The following PREX1 variants were observed in gnomAD, a reference collection of about 807,000 sequenced individuals.
PREX1 encodes phosphatidylinositol 3,4,5-trisphosphate-dependent Rac exchanger 1 protein.
Under a neutral mutation model 198.3 loss-of-function variants are expected in PREX1, and 41 were observed. The observed-to-expected ratio is 0.21, with a 90% CI of 0.16 to 0.27. PREX1 has a LOEUF of 0.27. PREX1 is among the 10% of genes least tolerant of loss of function. PREX1 has a pLI of 1.00. For missense variants in PREX1, 1,620 were observed against 2,200.7 expected (o/e 0.74, Z 5.28); for synonymous variants, 843 against 887.2 (o/e 0.95, Z 0.89).
intron 7 of PREX1, among the ~76,000 whole-genome samples, chr20:48,697,554 T>A (rs965528173): frequency 4.9e-4 from 75 of 152,040 alleles, no homozygotes; most frequent in Non-Finnish European, 9.9e-4. Context: ...CTAATTTTTT[T>A]ATATTTTTAG....
Position 48,700,868 on chromosome 20 carries a change from T to C in PREX1, c.802A>G (p.Ile268Val). 6.2e-7 allele frequency: 1 copy of C among 1,614,156 alleles called. No individual in the cohort carries two copies. The highest frequency in any genetic ancestry group is 8.5e-7 in the Non-Finnish European group (1 of 1,180,026). ...CCTTGCAGGAGGAGCTGAGTGCAGA[T>C]GTCTGTGAGGTTGGAACCCTGGAAG... ...EGWEGSNLTDICTQLLLQGTL... is the reference protein window; with the variant it reads ...EGWEGSNLTDVCTQLLLQGTL... Residue 268 changes from isoleucine to valine, a missense_variant, in exon 7 of 40, where the codon ATC (isoleucine) becomes GTC (valine). By Grantham distance (29) the Ile-to-Val change is conservative. Coordinates refer to ENST00000371941, the MANE Select transcript of PREX1 (RefSeq NM_020820.4).
intron 1 of PREX1, among the ~76,000 whole-genome samples, chr20:48,812,327 CATAA>C (rs2090439935): frequency 1.1e-5 from 1 of 88,734 alleles, no homozygotes; most frequent in African/African-American, 3.9e-5. Context: ...GGGTAAATAA[CATAA>C]GAGGAATGGG....
chr20:48,880,459 T>C, the PREX1 span, among the ~76,000 whole-genome samples: 16 of 152,348 alleles, frequency 1.1e-4, no homozygotes, highest in Middle Eastern at 3.4e-3. Flanking sequence ...TCTCTTTCTA[T>C]CATCCTGCCT....
intron 1 of PREX1, among the ~76,000 whole-genome samples, chr20:48,754,786 G>A (rs1359994685): frequency 6.6e-6 from 1 of 152,066 alleles, no homozygotes; most frequent in Non-Finnish European, 1.5e-5. Flanking sequence ...TGATCTGGGT[G>A]GCGGGGAGTC....
intron 1 of PREX1, among the ~76,000 whole-genome samples, chr20:48,779,932 G>A (rs1387593108): frequency 6.6e-6 from 1 of 152,128 alleles, no homozygotes; most frequent in Admixed American, 6.5e-5. Context: ...GACTGTAGTG[G>A]TAAGTATATA....
At chr20:48,660,409 G>A (rs1448413408) in intron 15 of PREX1, among the ~76,000 whole-genome samples, 1 of 152,210 alleles carries the variant, frequency 6.6e-6, no homozygotes, top group African/African-American at 2.4e-5. Context: ...GTGTTTGCAG[G>A]AACTTAGTCT....
Position 48,666,893 on chromosome 20 carries a change from G to GA in PREX1, c.1666-539dup, listed in dbSNP as rs1463697178. On this transcript the variant is annotated intron_variant, in intron 14 of 39. Coordinates refer to ENST00000371941, the MANE Select transcript of PREX1 (RefSeq NM_020820.4). This position sits in a 1 kb window ranked among gnomAD's most constrained non-coding sequence, Gnocchi z 4.3. ...ATTGTACTGTGATCAATACCGCAAA[G>GA]AAAAAATGGAGATTTTAAGCGGCAG... is the stretch of plus-strand genomic sequence containing the variant. Among the ~76,000 whole-genome samples the GA allele has an allele frequency of 3.3e-5, 5 of 152,124 alleles. No individual in the cohort carries two copies. Among genetic ancestry groups the GA allele is most frequent in the African/African-American group, 7.2e-5 (3 of 41,440 alleles).
chr20:48,697,384 CTTT>C (rs11289036), intron 7 of PREX1, among the ~76,000 whole-genome samples: 3 of 138,848 alleles, frequency 2.2e-5, no homozygotes, highest in East Asian at 2.1e-4. Context: ...TTTTTCTTTT[CTTT>C]TTTTTTTTTT....
intron 35 of PREX1, 139 bp from the exon 36 acceptor site, chr20:48,630,933 G>A (rs1455694751): frequency 1.5e-6 from 1 of 675,776 alleles, no homozygotes; most frequent in African/African-American, 1.8e-5. Context: ...AGCGCCTGCA[G>A]GCTGTGCTCA....
At chr20:48,794,630 G>A (rs1295396456) in intron 1 of PREX1, among the ~76,000 whole-genome samples, 1 of 152,194 alleles carries the variant, frequency 6.6e-6, no homozygotes, top group Non-Finnish European at 1.5e-5. Context: ...GGTCAGGCTG[G>A]GGGCTGGGCC....
Position 48,657,140 on chromosome 20 carries a change from G to A in PREX1, c.2023C>T (p.Leu675=), listed in dbSNP as rs537541655. 3 of 1,613,294 alleles carry A rather than the reference G, an allele frequency of 1.9e-6. No individual in the cohort carries two copies. The African/African-American group carries it at 4.0e-5, about 22-fold the overall frequency. ...GRKIYSINED[L]VFLRPFSEVE... ...TCTGAAAACGGCCGCAGGAACACCAGGTCCTCATTGATGGAGTAGATCTTC... is the reference window on the plus strand; with the variant it reads ...TCTGAAAACGGCCGCAGGAACACCAAGTCCTCATTGATGGAGTAGATCTTC... Residue 675 remains leucine, a synonymous_variant, in exon 18 of 40, where the codon CTG becomes TTG. Coordinates refer to ENST00000371941, the MANE Select transcript of PREX1 (RefSeq NM_020820.4).
intron 19 of PREX1, among the ~76,000 whole-genome samples, chr20:48,654,271 G>A (rs1000178557): frequency 4.3e-4 from 66 of 152,256 alleles, no homozygotes; most frequent in Admixed American, 3.8e-3. Flanking sequence ...ATCGTGCCTG[G>A]CACTCGGTAA....
At chr20:48,807,327 T>A (rs562018810) in intron 1 of PREX1, among the ~76,000 whole-genome samples, 1 of 152,284 alleles carries the variant, frequency 6.6e-6, no homozygotes, top group East Asian at 1.9e-4. Context: ...TCTACAAAAT[T>A]GGGGTCCTGC....
chr20:48,849,717 A>T, the PREX1 span, among the ~76,000 whole-genome samples: 1 of 152,232 alleles, frequency 6.6e-6, no homozygotes, highest in African/African-American at 2.4e-5. Context: ...TGTCTTTTAC[A>T]TCCCTCTGTT....
At chr20:48,668,206 A>G (rs2089652156) in intron 14 of PREX1, among the ~76,000 whole-genome samples, 1 of 152,264 alleles carries the variant, frequency 6.6e-6, no homozygotes, top group East Asian at 1.9e-4. Flanking sequence ...AAGCAGAGGA[A>G]ACAGCAGGGG....
intron 1 of PREX1, among the ~76,000 whole-genome samples, chr20:48,817,794 C>A (rs2090465233): frequency 6.6e-6 from 1 of 152,126 alleles, no homozygotes; most frequent in South Asian, 2.1e-4. Context: ...AACATAGGCA[C>A]ATATAGAAGC....
At chr20:48,788,209 C>T (rs2090322014) in intron 1 of PREX1, among the ~76,000 whole-genome samples, 1 of 152,180 alleles carries the variant, frequency 6.6e-6, no homozygotes, top group African/African-American at 2.4e-5. Flanking sequence ...CGGGCAGTGT[C>T]CTCGAGCCTT....
intron 14 of PREX1, among the ~76,000 whole-genome samples, chr20:48,670,568 G>A (rs1289763233): frequency 6.6e-6 from 1 of 152,210 alleles, no homozygotes; most frequent in Non-Finnish European, 1.5e-5. Flanking sequence ...CAGTGGAGAG[G>A]TGAAGAGAGC....
the PREX1 span, among the ~76,000 whole-genome samples, chr20:48,848,388 G>A: frequency 6.6e-6 from 1 of 151,588 alleles, no homozygotes; most frequent in Non-Finnish European, 1.5e-5. Context: ...CCGAGTAGCT[G>A]AGACCACAGG....
Sources: gnomAD v4.1 joint callset for allele counts (sites outside exome capture counted in the v4.1 genomes callset) on GRCh38, gnomAD v4.1.1 for gene constraint, Gnocchi (gnomAD v3.1) non-coding constraint, MANE v1.5 for transcripts, NCBI Gene and HGNC (gene_info 2026-07-23, HGNC 2026-07-21) for gene names.